DACH1: variants seen among roughly 807,000 people sequenced by gnomAD.
DACH1 encodes the protein dachshund family transcription factor 1.
Under a neutral mutation model 54.2 loss-of-function variants are expected in DACH1, and 12 were observed. The ratio of observed to expected loss-of-function variants is 0.22; its 90% confidence interval spans 0.14 to 0.36. The LOEUF (loss-of-function observed/expected upper bound fraction) is 0.36. Among genes scored for constraint, DACH1 ranks in the 10% least tolerant of loss-of-function variants. DACH1 has a pLI of 1.00. For synonymous variants in DACH1, 386 were observed against 366.2 expected (o/e 1.05, Z -0.62); for missense variants, 805 against 929.8 (o/e 0.87, Z 1.75).
At chr13:71,825,478 A>G (rs1251131117) in intron 1 of DACH1, among the ~76,000 whole-genome samples, 1 of 152,170 alleles carries the variant, frequency 6.6e-6, no homozygotes, top group African/African-American at 2.4e-5. Context: ...CCCAATCCCT[A>G]GACCTAGGCA....
intron 1 of DACH1, chr13:71,704,349 A>T: frequency 2.3e-6 from 1 of 429,560 alleles, no homozygotes; most frequent in Non-Finnish European, 4.5e-6. Flanking sequence ...AGGTGTTACC[A>T]TGGCAAAACT....
At chr13:71,731,561 G>A (rs144162761) in intron 1 of DACH1, among the ~76,000 whole-genome samples, 4 of 152,108 alleles carry the variant, frequency 2.6e-5, no homozygotes, top group Non-Finnish European at 5.9e-5. Flanking sequence ...GGGATTACAG[G>A]CGTGAGCCAC....
intron 2 of DACH1, among the ~76,000 whole-genome samples, chr13:71,675,927 A>C (rs1198923132): frequency 2.6e-5 from 4 of 152,150 alleles, no homozygotes; most frequent in African/African-American, 9.7e-5. Context: ...ATGCAAGTAC[A>C]TGTTTTTAAT....
At chr13:71,835,689 C>A (rs1207375465) in intron 1 of DACH1, among the ~76,000 whole-genome samples, 2 of 152,008 alleles carry the variant, frequency 1.3e-5, no homozygotes, top group Non-Finnish European at 2.9e-5. Flanking sequence ...AATATTGTTT[C>A]TGTTTATTCT....
intron 1 of DACH1, among the ~76,000 whole-genome samples, chr13:71,739,312 C>T (rs1462906656): frequency 6.6e-6 from 1 of 151,648 alleles, no homozygotes; most frequent in East Asian, 1.9e-4. Context: ...AATCATGGTT[C>T]GAGGCACCAA....
In DACH1 at chr13:71,562,951, T is replaced by G. The variant is rs117664999; in HGVS notation, c.1300-2996A>C. ...GAGGATGCATTTATAAGGCTATATG[T>G]AGAACTCCTTTATAATTTGTATAAA... On this transcript the variant is annotated intron_variant, in intron 4 of 10. Coordinates refer to ENST00000613252, the MANE Select transcript of DACH1 (RefSeq NM_080759.6). Among the ~76,000 whole-genome samples, 184 of 152,206 alleles carry G rather than the reference T, an allele frequency of 1.2e-3. 2 individuals are homozygous for G. The East Asian group carries it at 0.028, about 23-fold the overall frequency.
chr13:71,673,836 G>T (rs1057396697), intron 2 of DACH1, among the ~76,000 whole-genome samples: 2 of 152,158 alleles, frequency 1.3e-5, no homozygotes, highest in Admixed American at 6.5e-5. Flanking sequence ...TCAATTTAGA[G>T]ATTTAAATTC....
intron 1 of DACH1, among the ~76,000 whole-genome samples, chr13:71,798,329 T>TAC (rs1429409425): frequency 1.5e-5 from 1 of 68,534 alleles, no homozygotes; most frequent in Non-Finnish European, 2.5e-5. Flanking sequence ...CATACATATA[T>TAC]ATATATATAT....
chr13:71,861,210 TC>T (rs879586651), intron 1 of DACH1, among the ~76,000 whole-genome samples: 2 of 152,008 alleles, frequency 1.3e-5, no homozygotes, highest in Non-Finnish European at 2.9e-5. Flanking sequence ...CCAGAATTTT[TC>T]TAGAGGAAAA....
intron 3 of DACH1, among the ~76,000 whole-genome samples, chr13:71,593,568 T>A (rs1300822053): frequency 2.6e-5 from 4 of 152,130 alleles, no homozygotes; most frequent in African/African-American, 9.6e-5. Context: ...AAAGCAAGCA[T>A]GAAAATTTAA....
At chr13:71,820,391 G>A (rs1366050756) in intron 1 of DACH1, among the ~76,000 whole-genome samples, 1 of 152,142 alleles carries the variant, frequency 6.6e-6, no homozygotes, top group East Asian at 1.9e-4. Flanking sequence ...GATTGCTCAT[G>A]AGATGACTTT....
At chr13:71,526,115 A>C (rs1317244800) in intron 6 of DACH1, among the ~76,000 whole-genome samples, 2 of 152,314 alleles carry the variant, frequency 1.3e-5, no homozygotes, top group South Asian at 4.1e-4. Context: ...TTTCTACTGC[A>C]TTCTGTCAGC....
chr13:71,671,256 CA>C (rs1880188393), intron 2 of DACH1, among the ~76,000 whole-genome samples: 1 of 149,214 alleles, frequency 6.7e-6, no homozygotes, highest in Non-Finnish European at 1.5e-5. Context: ...GGAGAGAGGA[CA>C]AAAGAAAAAA....
chr13:71,854,608 T>C (rs1373943353), intron 1 of DACH1, among the ~76,000 whole-genome samples: 1 of 151,732 alleles, frequency 6.6e-6, no homozygotes, highest in African/African-American at 2.4e-5. Flanking sequence ...AAAAAGGTCA[T>C]AGAAACTTCA....
Position 71,562,681 on chromosome 13 carries a change from A to G in DACH1, c.1300-2726T>C, listed in dbSNP as rs554979822. On this transcript the variant is annotated intron_variant, in intron 4 of 10. Coordinates refer to ENST00000613252, the MANE Select transcript of DACH1 (RefSeq NM_080759.6). The stretch of plus-strand genomic sequence containing the variant: ...AAACGTCTAAGGCAAACAAACGACC[A>G]ACAGTTTTAAAAAACAAACATGTAT... 3.7e-4 allele frequency among the ~76,000 whole-genome samples: 56 copies of G among 152,210 alleles called. 1 individual carries two copies. The South Asian group carries it at 0.011, about 31-fold the overall frequency.
At chr13:71,592,401 G>C (rs1873776401) in intron 3 of DACH1, among the ~76,000 whole-genome samples, 1 of 150,250 alleles carries the variant, frequency 6.7e-6, no homozygotes, top group Admixed American at 6.6e-5. Context: ...GTATTGAGGT[G>C]GGAGGATCAT....
At chr13:71,718,135 A>T (rs576295648) in intron 1 of DACH1, among the ~76,000 whole-genome samples, 19 of 152,304 alleles carry the variant, frequency 1.2e-4, no homozygotes, top group Middle Eastern at 3.4e-3. Context: ...ATATGGTCTC[A>T]CATGGAAAAG....
At chr13:71,671,932 A>C (rs1303511666) in intron 2 of DACH1, among the ~76,000 whole-genome samples, 1 of 152,090 alleles carries the variant, frequency 6.6e-6, no homozygotes, top group East Asian at 1.9e-4. Context: ...GAAGTGCACA[A>C]TATGATTCTA....
chr13:71,743,179 T>C (rs1213743474), intron 1 of DACH1, among the ~76,000 whole-genome samples: 2 of 152,106 alleles, frequency 1.3e-5, no homozygotes. Context: ...GGCAAACTTG[T>C]CATGTGAATG....
Sources: gnomAD v4.1 joint callset for allele counts (sites outside exome capture counted in the v4.1 genomes callset) on GRCh38, gnomAD v4.1.1 for gene constraint, MANE v1.5 for transcripts, NCBI Gene and HGNC (gene_info 2026-07-23, HGNC 2026-07-21) for gene names.